CEP112: variants seen among roughly 807,000 people sequenced by gnomAD.
CEP112 encodes centrosomal protein of 112 kDa.
In CEP112, 127 loss-of-function variants were observed where a neutral mutation model predicts 153.0. The ratio of observed to expected loss-of-function variants is 0.83; its 90% CI spans 0.72 to 0.96. The LOEUF (loss-of-function observed/expected upper bound fraction) is 0.96, where lower values mean the gene tolerates loss of function less well. Among genes scored for constraint, CEP112 ranks in the 40% least tolerant of loss-of-function variants. The pLI, the probability that CEP112 is intolerant of heterozygous loss-of-function variation, is 0.00. For synonymous variants in CEP112, 358 were observed against 374.4 expected (o/e 0.96, Z 0.51); for missense variants, 1,089 against 1,101.2 (o/e 0.99, Z 0.16).
chr17:66,024,946 A>G (rs1354736022), intron 16 of CEP112, among the ~76,000 whole-genome samples: 2 of 152,098 alleles, frequency 1.3e-5, no homozygotes, highest in Non-Finnish European at 2.9e-5. Flanking sequence ...ATAAAAATAG[A>G]TCAGTAGAAC....
At chr17:65,760,029 A>G (rs2052519113) in intron 21 of CEP112, among the ~76,000 whole-genome samples, 1 of 152,160 alleles carries the variant, frequency 6.6e-6, no homozygotes, top group African/African-American at 2.4e-5. Context: ...GTACTAATGT[A>G]AATAGTATTG....
Position 65,813,675 on chromosome 17 carries a change from T to C in CEP112, c.2394+38129A>G, listed in dbSNP as rs115219875. On this transcript the variant is annotated intron_variant, in intron 21 of 26. Transcript: ENST00000535342. ...TAAAGCATTCAGTGAGTTGGGAGAA[T>C]TAAAGTAGATAAGGTGCGTGAAAGT... Among the ~76,000 whole-genome samples the C allele has an allele frequency of 1.2e-3, 190 of 152,236 alleles. 2 individuals carry two copies. Among genetic ancestry groups the C allele is most frequent in the African/African-American group, 3.7e-3 (153 of 41,538 alleles).
chr17:65,686,595 T>A (rs1364217171), intron 24 of CEP112, among the ~76,000 whole-genome samples: 1 of 152,230 alleles, frequency 6.6e-6, no homozygotes, highest in Non-Finnish European at 1.5e-5. Flanking sequence ...AAGCATCATC[T>A]ACAGAGGATG....
At chr17:65,835,847 C>T (rs996624867) in intron 21 of CEP112, among the ~76,000 whole-genome samples, 2 of 152,170 alleles carry the variant, frequency 1.3e-5, no homozygotes, top group African/African-American at 4.8e-5. Flanking sequence ...AATGGAAGCA[C>T]TTAAACCACT....
intron 4 of CEP112, among the ~76,000 whole-genome samples, chr17:66,145,635 T>C (rs1327030276): frequency 6.6e-6 from 1 of 152,132 alleles, no homozygotes; most frequent in Non-Finnish European, 1.5e-5. Context: ...CAAATGACCA[T>C]GTATATGAGG....
intron 18 of CEP112, among the ~76,000 whole-genome samples, chr17:65,929,995 ATGCAG>A (rs1435781776): frequency 6.6e-6 from 1 of 152,226 alleles, no homozygotes; most frequent in Non-Finnish European, 1.5e-5. Flanking sequence ...ATTCAAAGCA[ATGCAG>A]TATTTTACTT....
chr17:66,051,538 A>G (rs1348373), intron 12 of CEP112, among the ~76,000 whole-genome samples: 149,214 of 152,146 alleles, frequency 0.98, 73,231 homozygotes, highest in East Asian at 1. Context: ...AAGGAGTTGG[A>G]ATTTGAACCC....
intron 21 of CEP112, among the ~76,000 whole-genome samples, chr17:65,812,036 C>T (rs1036740993): frequency 1.8e-4 from 27 of 151,780 alleles, no homozygotes; most frequent in African/African-American, 6.1e-4. Flanking sequence ...TGGAGTCTCA[C>T]TCCATTGCCC....
intron 18 of CEP112, among the ~76,000 whole-genome samples, chr17:65,939,195 A>T (rs1278284694): frequency 6.6e-6 from 1 of 152,204 alleles, no homozygotes; most frequent in Non-Finnish European, 1.5e-5. Flanking sequence ...GAGGCAAAAG[A>T]TGTATACATT....
At chr17:65,930,793 C>T (rs1415459036) in intron 18 of CEP112, among the ~76,000 whole-genome samples, 2 of 152,176 alleles carry the variant, frequency 1.3e-5, no homozygotes, top group African/African-American at 4.8e-5. Flanking sequence ...ATTTTCCAAG[C>T]AAGCCATGGC....
intron 24 of CEP112, among the ~76,000 whole-genome samples, chr17:65,647,681 C>G (rs1306202028): frequency 1.3e-5 from 2 of 149,694 alleles, no homozygotes; most frequent in African/African-American, 2.5e-5. Flanking sequence ...TAGTTTCTCA[C>G]TATGTTGCCT....
chr17:65,776,779 T>G (rs2053703457), intron 21 of CEP112, among the ~76,000 whole-genome samples: 1 of 103,992 alleles, frequency 9.6e-6, no homozygotes, highest in South Asian at 2.8e-4. Flanking sequence ...TTAGAGATTT[T>G]TATAAATATT....
At chr17:66,187,387 C>T (rs1346672412) in intron 1 of CEP112, among the ~76,000 whole-genome samples, 1 of 152,232 alleles carries the variant, frequency 6.6e-6, no homozygotes, top group African/African-American at 2.4e-5. Flanking sequence ...CTATCTCCAT[C>T]ATGGTAGCAA....
chr17:66,061,087 T>C (rs562466568), intron 11 of CEP112, among the ~76,000 whole-genome samples: 1 of 151,970 alleles, frequency 6.6e-6, no homozygotes, highest in South Asian at 2.1e-4. Context: ...ATTCTGATGA[T>C]TAAAAAATAA....
intron 23 of CEP112, among the ~76,000 whole-genome samples, chr17:65,695,697 A>T (rs1241216790): frequency 6.6e-6 from 1 of 152,176 alleles, no homozygotes; most frequent in East Asian, 1.9e-4. Flanking sequence ...TTTTTTAAAA[A>T]ATGTTCCCAG....
intron 23 of CEP112, among the ~76,000 whole-genome samples, chr17:65,710,085 C>CT (rs1567897172): frequency 6.6e-6 from 1 of 152,182 alleles, no homozygotes; most frequent in African/African-American, 2.4e-5. Context: ...CCCAGGTGAC[C>CT]TGCAGGCACA....
intron 17 of CEP112, among the ~76,000 whole-genome samples, chr17:65,978,379 A>G (rs2145099882): frequency 6.6e-6 from 1 of 152,392 alleles, no homozygotes; most frequent in South Asian, 2.1e-4. Flanking sequence ...TTGGCATTCT[A>G]TCAGGAAAAG....
intron 18 of CEP112, among the ~76,000 whole-genome samples, chr17:65,952,556 A>T (rs1436373854): frequency 6.6e-6 from 1 of 152,068 alleles, no homozygotes; most frequent in Non-Finnish European, 1.5e-5. Flanking sequence ...AGCTTTTATG[A>T]ACAAATCTGC....
chr17:66,146,922 A>G (rs1337955698), intron 4 of CEP112, among the ~76,000 whole-genome samples: 1 of 152,156 alleles, frequency 6.6e-6, no homozygotes, highest in East Asian at 1.9e-4. Context: ...ATAGACATTT[A>G]TGTTGCTTCT....
Sources: allele counts gnomAD v4.1 joint callset (sites outside exome capture counted in the v4.1 genomes callset), GRCh38; gene constraint gnomAD v4.1.1; transcripts MANE v1.5; gene names NCBI Gene and HGNC (gene_info 2026-07-23, HGNC 2026-07-21).